CREB5: variants seen among roughly 807,000 people sequenced by gnomAD.
CREB5 encodes cyclic AMP-responsive element-binding protein 5.
Under a neutral mutation model 57.1 loss-of-function variants are expected in CREB5, and 19 were observed. That is an observed-to-expected ratio of 0.33 (90% CI 0.23 to 0.49). The LOEUF (loss-of-function observed/expected upper bound fraction) is 0.49. CREB5 is among the 20% of genes least tolerant of loss of function. The pLI is 0.99. For synonymous variants in CREB5, 238 were observed against 238.3 expected, an observed-to-expected ratio of 1.00 and a Z score of 0.01; for missense variants, 579 against 671.6, an observed-to-expected ratio of 0.86 and a Z score of 1.52.
At chr7:28,593,317 C>A (rs990395883) in intron 5 of CREB5, among the ~76,000 whole-genome samples, 1 of 152,126 alleles carries the variant, frequency 6.6e-6, no homozygotes, top group African/African-American at 2.4e-5. Context: ...GGCATGATCT[C>A]GGCTCACTAT....
At chr7:28,706,766 T>C (rs1351233141) in intron 5 of CREB5, among the ~76,000 whole-genome samples, 2 of 152,182 alleles carry the variant, frequency 1.3e-5, no homozygotes, top group African/African-American at 4.8e-5. Flanking sequence ...AGCACACAGT[T>C]TCCTAGAAAC....
At position 28,491,334 on chromosome 7, in the gene CREB5, G is replaced by T. The variant is rs576485333; in HGVS notation, c.75+3088G>T. The T allele has an allele frequency of 1.8e-5, 14 of 778,534 alleles. No individual in the cohort carries two copies. In the East Asian group the frequency reaches 1.8e-3, roughly 99 times the overall value. 48.2% of individuals were successfully genotyped at this position (778,534 alleles called of 1,614,324 possible). A position where few individuals can be genotyped will look rare whatever the true frequency, so the allele number is the denominator to read the frequency against. Reference sequence around the variant, plus strand: ...GTAGACAAACCTGGGGAGGAGTGGGGGTGCCAATTCCTCTGAGAAAGGAAG... The same window carrying T: ...GTAGACAAACCTGGGGAGGAGTGGGTGTGCCAATTCCTCTGAGAAAGGAAG... On this transcript the variant is annotated intron_variant, in intron 2 of 10. Transcript: ENST00000357727.
chr7:28,454,859 G>A (rs1311131742), intron 1 of CREB5, among the ~76,000 whole-genome samples: 2 of 152,182 alleles, frequency 1.3e-5, no homozygotes, highest in Non-Finnish European at 2.9e-5. Context: ...CCCAGGGCTG[G>A]TGGGCAGTGG....
intron 5 of CREB5, among the ~76,000 whole-genome samples, chr7:28,634,571 C>A (rs1347462374): frequency 1.3e-5 from 2 of 152,118 alleles, no homozygotes; most frequent in African/African-American, 4.8e-5. Context: ...GCCTTACAAG[C>A]CCTCCCCTGT....
At chr7:28,521,742 G>A (rs1793216354) in intron 4 of CREB5, among the ~76,000 whole-genome samples, 1 of 152,086 alleles carries the variant, frequency 6.6e-6, no homozygotes, top group Non-Finnish European at 1.5e-5. Context: ...GCACAATACG[G>A]TGTCTCTGAC....
intron 5 of CREB5, among the ~76,000 whole-genome samples, chr7:28,586,624 A>G (rs1408742249): frequency 1.3e-5 from 2 of 152,248 alleles, no homozygotes. Flanking sequence ...ATTCACCAGC[A>G]AGCATTTTCC....
At chr7:28,756,419 G>C (rs1805304562) in intron 7 of CREB5, among the ~76,000 whole-genome samples, 1 of 152,054 alleles carries the variant, frequency 6.6e-6, no homozygotes, top group Non-Finnish European at 1.5e-5. Flanking sequence ...AGCCAGGCAT[G>C]GTGGCACATG....
In CREB5 at chr7:28,560,926, G is replaced by A. The variant is rs1020290495; in HGVS notation, c.292-9439G>A. Among the ~76,000 whole-genome samples, 12 of 67,338 alleles carry A rather than the reference G, an allele frequency of 1.8e-4. 2 individuals are homozygous for A. Among genetic ancestry groups the A allele is most frequent in the Non-Finnish European group, 2.5e-4 (9 of 36,616 alleles). 44.2% of individuals were successfully genotyped at this position (67,338 alleles called of 152,430 possible). On this transcript the variant is annotated intron_variant, in intron 4 of 10. Transcript: ENST00000357727. ...CGCGCGTGCGTGTGCGTGTGTGCGCGTGCGTGTGTGCGTGCGTGTGTGTGC... is the reference window on the plus strand; with the variant it reads ...CGCGCGTGCGTGTGCGTGTGTGCGCATGCGTGTGTGCGTGCGTGTGTGTGC...
chr7:28,500,155 G>A (rs217501), intron 3 of CREB5, among the ~76,000 whole-genome samples: 41,074 of 152,144 alleles, frequency 0.27, 6,932 homozygotes, highest in Non-Finnish European at 0.36. Flanking sequence ...GGGTGCAGAG[G>A]AAGGGAGATA....
intron 1 of CREB5, among the ~76,000 whole-genome samples, chr7:28,344,981 C>T (rs1039546446): frequency 1.2e-4 from 19 of 152,130 alleles, no homozygotes. Context: ...ATAATTTATG[C>T]ACCCAACATC....
intron 1 of CREB5, among the ~76,000 whole-genome samples, chr7:28,350,642 T>C (rs1472616904): frequency 2.6e-5 from 4 of 152,118 alleles, no homozygotes; most frequent in Admixed American, 6.5e-5. Context: ...TTCCTCTCTT[T>C]GCTCCATGAA....
At chr7:28,434,983 T>C (rs1788888349) in intron 1 of CREB5, among the ~76,000 whole-genome samples, 1 of 152,188 alleles carries the variant, frequency 6.6e-6, no homozygotes, top group Non-Finnish European at 1.5e-5. Context: ...GAATGTCTTA[T>C]TTTTCTAATT....
chr7:28,568,021 G>C (rs1417460690), intron 4 of CREB5, among the ~76,000 whole-genome samples: 1 of 152,178 alleles, frequency 6.6e-6, no homozygotes, highest in Admixed American at 6.5e-5. Flanking sequence ...TGGGAAAAAG[G>C]AGGAAAAGAA....
intron 5 of CREB5, among the ~76,000 whole-genome samples, chr7:28,648,088 C>T (rs1388619018): frequency 6.6e-6 from 1 of 151,918 alleles, no homozygotes; most frequent in African/African-American, 2.4e-5. Flanking sequence ...TTTGAGATTC[C>T]CATAGCAAGT....
At chr7:28,497,949 T>G (rs2128600943) in intron 3 of CREB5, among the ~76,000 whole-genome samples, 2 of 152,360 alleles carry the variant, frequency 1.3e-5, no homozygotes, top group Middle Eastern at 6.8e-3. Context: ...ATTAAAACTA[T>G]GTTTGTAGGC....
At chr7:28,799,959 C>G (rs935588327) in intron 7 of CREB5, among the ~76,000 whole-genome samples, 2 of 152,180 alleles carry the variant, frequency 1.3e-5, no homozygotes, top group African/African-American at 4.8e-5. Flanking sequence ...AAGTTTAATT[C>G]ATTCATTCCT....
intron 1 of CREB5, among the ~76,000 whole-genome samples, chr7:28,358,178 T>A (rs1388388240): frequency 1.3e-5 from 2 of 152,104 alleles, no homozygotes; most frequent in Non-Finnish European, 1.5e-5. Context: ...CCTCTGACAA[T>A]CAGAACGGGG....
At chr7:28,536,046 G>A (rs1008576366) in intron 4 of CREB5, among the ~76,000 whole-genome samples, 2 of 152,172 alleles carry the variant, frequency 1.3e-5, no homozygotes, top group Non-Finnish European at 2.9e-5. Flanking sequence ...TGTGCCTGCT[G>A]AAGTATTTAT....
At position 28,643,753 on chromosome 7, in the gene CREB5, G is replaced by GGC. The variant is rs1554279438; in HGVS notation, c.464+73217_464+73218insCG. ...GAATAGTTCACGGGTTTGGGAGGTG[G>GGC]GGGGGGGCGGAAGAAAAAAAAAAAA... On this transcript the variant is annotated intron_variant, in intron 5 of 10. Transcript: ENST00000357727. Among the ~76,000 whole-genome samples the GGC allele has an allele frequency of 4.4e-5, 4 of 90,454 alleles. No homozygotes were observed. In the East Asian group the frequency reaches 1.9e-3, roughly 43 times the overall value. 59.3% of individuals were successfully genotyped at this position (90,454 alleles called of 152,430 possible).
Sources: gnomAD v4.1 joint callset for allele counts (sites outside exome capture counted in the v4.1 genomes callset) on GRCh38, gnomAD v4.1.1 for gene constraint, MANE v1.5 for transcripts, NCBI Gene and HGNC (gene_info 2026-07-23, HGNC 2026-07-21) for gene names.